ATP9B: variants seen among roughly 807,000 people sequenced by gnomAD.
The protein encoded by ATP9B is probable phospholipid-transporting ATPase IIB.
ATP9B carries 110 observed loss-of-function variants against 146.1 expected under a neutral mutation model. That is an observed-to-expected ratio of 0.75 (90% CI 0.65 to 0.88). The LOEUF (loss-of-function observed/expected upper bound fraction) is 0.88, where lower values mean the gene tolerates loss of function less well. ATP9B is among the 40% of genes least tolerant of loss of function. The probability of loss-of-function intolerance (pLI) is 0.00; values close to 1 mark genes in which losing one functional copy is unlikely to be tolerated. For missense variants in ATP9B, 1,499 were observed against 1,496.4 expected (o/e 1.00, Z -0.03); for synonymous variants, 604 against 569.7 (o/e 1.06, Z -0.86).
intron 13 of ATP9B, among the ~76,000 whole-genome samples, chr18:79,297,072 G>A (rs1004284689): frequency 1.4e-5 from 2 of 147,334 alleles, no homozygotes; most frequent in African/African-American, 2.5e-5. Flanking sequence ...ACAGAGAGAT[G>A]ACCCAGAGAG....
chr18:79,337,321 C>A lies in ATP9B; in HGVS notation c.2155C>A (p.Leu719Ile), dbSNP rs778892366. ...CAAGCTGAGCATGCACGACAGGTCC[C>A]TCAAGGTGGCCGCGGTAGTCGAGAG... ...QAKLSMHDRS[L>I]KVAAVVESLE... The change falls in exon 19 of 30, where the codon CTC (leucine) becomes ATC (isoleucine). Residue 719 changes from leucine (L) to isoleucine (I), a missense_variant. Leu to Ile is a conservative substitution (Grantham distance 5). Transcript: ENST00000426216. 3 of 1,614,126 alleles carry A rather than the reference C, an allele frequency of 1.9e-6. No homozygotes were observed. The highest frequency in any genetic ancestry group is 2.5e-6 in the Non-Finnish European group (3 of 1,180,032).
intron 5 of ATP9B, among the ~76,000 whole-genome samples, chr18:79,128,310 G>A: frequency 6.6e-6 from 1 of 152,098 alleles, no homozygotes; most frequent in Non-Finnish European, 1.5e-5. Context: ...CACCCGCCTT[G>A]GCTTCCCAAA....
chr18:79,138,438 C>T (rs890059572), intron 5 of ATP9B, among the ~76,000 whole-genome samples: 1 of 152,078 alleles, frequency 6.6e-6, no homozygotes, highest in African/African-American at 2.4e-5. Flanking sequence ...CACTTCATCA[C>T]GAAATGTTTA....
At chr18:79,137,974 A>G (rs1287793780) in intron 5 of ATP9B, among the ~76,000 whole-genome samples, 1 of 152,200 alleles carries the variant, frequency 6.6e-6, no homozygotes, top group East Asian at 1.9e-4. Context: ...TGTTGAGGAA[A>G]TGGGTTAAGT....
Position 79,303,706 on chromosome 18 carries a change from C to T in ATP9B, c.1514C>T (p.Ser505Phe). ...GAGATCCAGAGCCATGTCAGGGACT[C>T]CTACTCACAGGTAAGTGGGTTCCTC... ...MDEIQSHVRDSYSQMQSQAGG... is the reference protein window; with the variant it reads ...MDEIQSHVRDFYSQMQSQAGG... The change falls in exon 14 of 30, where the codon TCC becomes TTC. Residue 505 changes from serine (S) to phenylalanine (F), a missense_variant. Transcript: ENST00000426216. 6.2e-7 allele frequency: 1 copy of T among 1,613,714 alleles called. No homozygotes were observed. The highest frequency in any genetic ancestry group is 8.5e-7 in the Non-Finnish European group (1 of 1,179,790).
intron 13 of ATP9B, among the ~76,000 whole-genome samples, chr18:79,296,498 A>G (rs2096548831): frequency 6.6e-6 from 1 of 152,238 alleles, no homozygotes; most frequent in African/African-American, 2.4e-5. Context: ...AACGAGGTAA[A>G]AAACAGATTT....
At chr18:79,330,337 ACTAAATTATTT>A (rs2096783540) in intron 17 of ATP9B, among the ~76,000 whole-genome samples, 1 of 152,302 alleles carries the variant, frequency 6.6e-6, no homozygotes, top group Non-Finnish European at 1.5e-5. Context: ...ATCATTTTAT[ACTAAATTATTT>A]TAAGTGCTTG....
At chr18:79,315,061 G>A (rs926084143) in intron 15 of ATP9B, among the ~76,000 whole-genome samples, 1 of 152,162 alleles carries the variant, frequency 6.6e-6, no homozygotes, top group African/African-American at 2.4e-5. Flanking sequence ...CTGTGGCTGT[G>A]TTTTCTCATG....
At chr18:79,107,523 G>A (rs570187510) in intron 2 of ATP9B, among the ~76,000 whole-genome samples, 81 of 152,208 alleles carry the variant, frequency 5.3e-4, no homozygotes, top group South Asian at 2.1e-3. Context: ...GGCTTCCTCC[G>A]TGGGCGGCAT....
In ATP9B at chr18:79,110,483, A is replaced by G. The variant is rs973348479; in HGVS notation, c.422A>G (p.Asn141Ser). The change falls in exon 3 of 30, where the codon AAT becomes AGT. Residue 141 changes from asparagine (N) to serine (S), a missense_variant. Coordinates refer to ENST00000426216, the MANE Select transcript of ATP9B (RefSeq NM_198531.5). ...AATTCTATAAAAAATCAAAAATACA[A>G]TGTGTTTACCTTTATACCTGGGGTA... ...PRNSIKNQKY[N>S]VFTFIPGVLY... 13 of 1,612,978 alleles carry G rather than the reference A, an allele frequency of 8.1e-6. No individual in the cohort carries two copies. The African/African-American group carries it at 1.1e-4, about 13-fold the overall frequency.
At chr18:79,116,939 T>TTAAAAAAAAAAAAAAAAAAAAAAA (rs2094091585) in intron 4 of ATP9B, among the ~76,000 whole-genome samples, 2 of 77,948 alleles carry the variant, frequency 2.6e-5, no homozygotes, top group Non-Finnish European at 5.1e-5. Context: ...AAAAAAAAAA[T>TTAAAAAAAAAAAAAAAAAAAAAAA]TAAAAAAAAA....
At chr18:79,072,273 G>A (rs975406140) in intron 1 of ATP9B, among the ~76,000 whole-genome samples, 15 of 151,938 alleles carry the variant, frequency 9.9e-5, no homozygotes, top group Non-Finnish European at 2.2e-4. Context: ...AAGGTCTCTG[G>A]TTTTCCTAGG....
At chr18:79,293,229 A>G (rs1023578722) in intron 13 of ATP9B, among the ~76,000 whole-genome samples, 3 of 151,842 alleles carry the variant, frequency 2.0e-5, no homozygotes, top group African/African-American at 7.3e-5. Flanking sequence ...ACAAACACTA[A>G]AATTATAGTA....
intron 5 of ATP9B, among the ~76,000 whole-genome samples, chr18:79,132,964 GTTTTA>G (rs1486355455): frequency 6.6e-6 from 1 of 152,182 alleles, no homozygotes; most frequent in Non-Finnish European, 1.5e-5. Flanking sequence ...GTTATCTTGT[GTTTTA>G]TTTTCTGATA....
intron 5 of ATP9B, among the ~76,000 whole-genome samples, chr18:79,140,591 A>G (rs2094501386): frequency 6.6e-6 from 1 of 152,096 alleles, no homozygotes; most frequent in African/African-American, 2.4e-5. Flanking sequence ...CCTGGCCCAC[A>G]TGGCAAAACC....
chr18:79,375,932 T>C, intron 29 of ATP9B: 2 of 985,394 alleles, frequency 2.0e-6, no homozygotes, highest in Non-Finnish European at 2.4e-6. Context: ...ATCTCCAGTT[T>C]CTCATCTGCC....
chr18:79,377,429 TC>T lies in ATP9B; in HGVS notation c.*49del. On this transcript the variant is annotated 3_prime_UTR_variant, in exon 30 of 30. Coordinates refer to ENST00000426216, the MANE Select transcript of ATP9B (RefSeq NM_198531.5). ...GGCTGGCCCCAGCACCTTCTGCCCT[TC>T]CCAGCACCTTGTGCCCTTGCCAGTG... 1 of 1,593,588 alleles carries T rather than the reference TC, an allele frequency of 6.3e-7. No homozygotes were observed. The highest frequency in any genetic ancestry group is 1.1e-5 in the South Asian group (1 of 90,760).
At chr18:79,266,618 T>G (rs368423709) in intron 12 of ATP9B, among the ~76,000 whole-genome samples, 2 of 152,144 alleles carry the variant, frequency 1.3e-5, no homozygotes, top group African/African-American at 4.8e-5. Context: ...TAAGGACATT[T>G]TTCTGTTCCT....
chr18:79,095,300 C>T (rs1436799818), intron 1 of ATP9B, among the ~76,000 whole-genome samples: 1 of 152,130 alleles, frequency 6.6e-6, no homozygotes, highest in African/African-American at 2.4e-5. Context: ...TATGCACCCT[C>T]CTGTAGGTCC....
Sources: allele counts gnomAD v4.1 joint callset (sites outside exome capture counted in the v4.1 genomes callset), GRCh38; gene constraint gnomAD v4.1.1; transcripts MANE v1.5; gene names NCBI Gene and HGNC (gene_info 2026-07-23, HGNC 2026-07-21).